Variants in WDR45B observed in about 807,000 individuals in gnomAD.
WDR45B encodes WD repeat domain 45B, also known as WD repeat domain phosphoinositide-interacting protein 3.
WDR45B carries 20 observed loss-of-function variants against 44.6 expected under a neutral mutation model. The observed-to-expected ratio is 0.45, with a 90% CI of 0.32 to 0.65. The LOEUF is 0.65. Among genes scored for constraint, WDR45B ranks in the 30% least tolerant of loss-of-function variants. The pLI, the probability that WDR45B is intolerant of heterozygous loss-of-function variation, is 0.05. For synonymous variants in WDR45B, 169 were observed against 164.9 expected, an observed-to-expected ratio of 1.02 and a Z score of -0.19; for missense variants, 323 against 430.2, an observed-to-expected ratio of 0.75 and a Z score of 2.20.
chr17:82,641,017 G>A (rs1275046007), intron 2 of WDR45B, among the ~76,000 whole-genome samples: 3 of 143,566 alleles, frequency 2.1e-5, no homozygotes, highest in Non-Finnish European at 4.5e-5. Context: ...CCAGGATGGA[G>A]TGCAGTGGCG....
At chr17:82,624,512 G>A (rs948564215) in intron 5 of WDR45B, among the ~76,000 whole-genome samples, 2 of 152,148 alleles carry the variant, frequency 1.3e-5, no homozygotes, top group Non-Finnish European at 2.9e-5. Context: ...CGCCCGCCTT[G>A]GCCTCCTAAA....
At chr17:82,617,843 GGA>G (rs2045559989) in intron 7 of WDR45B, among the ~76,000 whole-genome samples, 1 of 152,198 alleles carries the variant, frequency 6.6e-6, no homozygotes, top group African/African-American at 2.4e-5. Flanking sequence ...GTCTGTTCTA[GGA>G]GCAGACAGGG....
chr17:82,643,010 T>C (rs190561056), intron 2 of WDR45B, among the ~76,000 whole-genome samples: 6 of 152,346 alleles, frequency 3.9e-5, no homozygotes, highest in East Asian at 3.9e-4. Context: ...CATCATACAG[T>C]GTATGTGGCA....
In WDR45B at chr17:82,648,349, C is replaced by G. The variant is rs757588397; in HGVS notation, c.-9G>C. The G allele has an allele frequency of 1.2e-6, 2 of 1,604,706 alleles. No homozygotes were observed. Among genetic ancestry groups the G allele is most frequent in the Non-Finnish European group, 1.7e-6 (2 of 1,177,246 alleles). On this transcript the variant is annotated 5_prime_UTR_variant, in exon 1 of 10. Transcript: ENST00000392325. Reference sequence around the variant, plus strand: ...CACGGCAGGAGGTTCATGGCGCCGCCGTGCTGGGTCGCCGCTCCTCAGCGC... The same window carrying G: ...CACGGCAGGAGGTTCATGGCGCCGCGGTGCTGGGTCGCCGCTCCTCAGCGC...
chr17:82,633,759 A>C (rs2143331096), intron 2 of WDR45B, among the ~76,000 whole-genome samples: 1 of 152,252 alleles, frequency 6.6e-6, no homozygotes, highest in South Asian at 2.1e-4. Context: ...TCACACCTAT[A>C]ATCCCAGCAC....
chr17:82,630,791 C>T, intron 3 of WDR45B, 130 bp downstream of exon 3: 2 of 934,282 alleles, frequency 2.1e-6, no homozygotes, highest in South Asian at 1.3e-5. Context: ...TGCTTCCTCC[C>T]CAGTGACCAG....
intron 5 of WDR45B, among the ~76,000 whole-genome samples, chr17:82,623,718 A>AAAT (rs1206874021): frequency 6.6e-5 from 10 of 151,744 alleles, no homozygotes; most frequent in African/African-American, 2.4e-4. Context: ...AAAAAAAAAA[A>AAAT]AATTCTTACA....
intron 6 of WDR45B, among the ~76,000 whole-genome samples, chr17:82,621,094 C>T (rs1180587646): frequency 6.6e-6 from 1 of 150,826 alleles, no homozygotes; most frequent in Non-Finnish European, 1.5e-5. Context: ...CACTCTGTCA[C>T]CCGGGCTGCA....
chr17:82,622,673 C>A (rs553551212), intron 5 of WDR45B, among the ~76,000 whole-genome samples: 1 of 152,098 alleles, frequency 6.6e-6, no homozygotes, highest in Non-Finnish European at 1.5e-5. Context: ...ACCTTGTGAT[C>A]CACCTGCCTT....
chr17:82,642,165 G>A (rs1335007930), intron 2 of WDR45B, among the ~76,000 whole-genome samples: 5 of 151,958 alleles, frequency 3.3e-5, no homozygotes, highest in Admixed American at 6.6e-5. Context: ...CTGCAACCCC[G>A]GGGCAGTACT....
chr17:82,647,778 G>A (rs947286704), intron 1 of WDR45B, among the ~76,000 whole-genome samples: 1 of 152,006 alleles, frequency 6.6e-6, no homozygotes, highest in Non-Finnish European at 1.5e-5. Context: ...AAACCCAAGC[G>A]AAGTCAGCTC....
chr17:82,637,761 G>A (rs1173572775), intron 2 of WDR45B, among the ~76,000 whole-genome samples: 1 of 152,014 alleles, frequency 6.6e-6, no homozygotes, highest in Non-Finnish European at 1.5e-5. Flanking sequence ...AGGACACAAA[G>A]CTTCCGTGAA....
chr17:82,626,757 G>A, intron 4 of WDR45B: 1 of 241,344 alleles, frequency 4.1e-6, no homozygotes, highest in Non-Finnish European at 8.2e-6. Context: ...TGAGACCATG[G>A]CTGACAGAAC....
intron 2 of WDR45B, among the ~76,000 whole-genome samples, chr17:82,641,714 G>C (rs1391326216): frequency 1.3e-5 from 2 of 152,270 alleles, no homozygotes; most frequent in East Asian, 3.9e-4. Flanking sequence ...GGCTAACACA[G>C]TGAAACACCG....
At chr17:82,617,554 A>G in intron 7 of WDR45B, 157 bp from the exon 8 acceptor site, 1 of 729,762 alleles carries the variant, frequency 1.4e-6, no homozygotes. Context: ...GCCGACAACC[A>G]TCCCCACAGC....
At chr17:82,618,126 C>A (rs572424238) in intron 7 of WDR45B, among the ~76,000 whole-genome samples, 1 of 152,168 alleles carries the variant, frequency 6.6e-6, no homozygotes, top group African/African-American at 2.4e-5. Context: ...GATGGGGTTT[C>A]GCCATGCTGG....
At chr17:82,646,628 G>A (rs80240337) in intron 1 of WDR45B, among the ~76,000 whole-genome samples, 3 of 151,958 alleles carry the variant, frequency 2.0e-5, no homozygotes, top group East Asian at 3.8e-4. Flanking sequence ...GGAATCAAGC[G>A]TGGCCAGGTA....
intron 5 of WDR45B, among the ~76,000 whole-genome samples, chr17:82,624,818 C>A (rs959731397): frequency 6.6e-6 from 1 of 150,474 alleles, no homozygotes; most frequent in Non-Finnish European, 1.5e-5. Context: ...CAGGGTTTCA[C>A]CGTGTTAGCC....
At chr17:82,631,895 C>G (rs957897780) in intron 2 of WDR45B, among the ~76,000 whole-genome samples, 1 of 151,680 alleles carries the variant, frequency 6.6e-6, no homozygotes, top group East Asian at 2.0e-4. Context: ...CCATCTGGGC[C>G]AACATGGTGA....
Sources: gnomAD v4.1 joint callset for allele counts (sites outside exome capture counted in the v4.1 genomes callset) on GRCh38, gnomAD v4.1.1 for gene constraint, MANE v1.5 for transcripts, NCBI Gene and HGNC (gene_info 2026-07-23, HGNC 2026-07-21) for gene names.